Variants in LRRC63 observed in about 807,000 individuals in gnomAD.
LRRC63 encodes leucine rich repeat containing 63, also known as leucine-rich repeat-containing protein 63.
In LRRC63, 40 loss-of-function variants were observed where a neutral mutation model predicts 49.5. The ratio of observed to expected loss-of-function variants is 0.81; its 90% CI spans 0.63 to 1.05. LRRC63 has a LOEUF of 1.05. LRRC63 is among the 50% of genes least tolerant of loss of function. LRRC63 has a pLI of 0.00. For synonymous variants in LRRC63, 191 were observed against 221.1 expected (o/e 0.86, Z 1.21); for missense variants, 636 against 663.1 (o/e 0.96, Z 0.45).
intron 7 of LRRC63, among the ~76,000 whole-genome samples, chr13:46,259,352 A>G (rs575874579): frequency 6.6e-6 from 1 of 152,316 alleles, no homozygotes; most frequent in African/African-American, 2.4e-5. Flanking sequence ...TTTTAGACTC[A>G]TGCCCTGAGG....
At chr13:46,250,787 C>T (rs2047358326) in intron 7 of LRRC63, among the ~76,000 whole-genome samples, 1 of 151,912 alleles carries the variant, frequency 6.6e-6, no homozygotes. Context: ...TATCTCTTGA[C>T]AGCCTTTTTG....
intron 7 of LRRC63, among the ~76,000 whole-genome samples, chr13:46,252,303 G>C (rs1393536169): frequency 6.6e-6 from 1 of 151,904 alleles, no homozygotes; most frequent in Non-Finnish European, 1.5e-5. Flanking sequence ...GGTGAGACTT[G>C]GAGATCAGTA....
chr13:46,266,010 C>T (rs1203795644), intron 8 of LRRC63, among the ~76,000 whole-genome samples: 1 of 152,160 alleles, frequency 6.6e-6, no homozygotes, highest in Non-Finnish European at 1.5e-5. Context: ...TCCAGAGGCC[C>T]TCAGCAGTTT....
At chr13:46,249,114 C>T (rs1476764108) in intron 6 of LRRC63, among the ~76,000 whole-genome samples, 1 of 151,502 alleles carries the variant, frequency 6.6e-6, no homozygotes, top group East Asian at 1.9e-4. Flanking sequence ...ACACAACATA[C>T]CAAAATTTCT....
exon 2 of LRRC63, chr13:46,213,099 A>C: frequency 6.5e-7 from 1 of 1,548,412 alleles, no homozygotes; most frequent in South Asian, 1.2e-5. Context: ...CTGTCTTTAC[A>C]TGAGAAAAAA....
chr13:46,225,409 G>C (rs1419742277), intron 2 of LRRC63, among the ~76,000 whole-genome samples: 2 of 152,242 alleles, frequency 1.3e-5, no homozygotes, highest in African/African-American at 4.8e-5. Flanking sequence ...AGTAGCAGAA[G>C]TGGGTGTGTG....
intron 5 of LRRC63, among the ~76,000 whole-genome samples, chr13:46,238,475 A>T (rs1254993972): frequency 6.6e-6 from 1 of 151,908 alleles, no homozygotes; most frequent in East Asian, 1.9e-4. Context: ...TTTATTAAAA[A>T]AAAAGAGGTT....
intron 4 of LRRC63, among the ~76,000 whole-genome samples, chr13:46,231,850 C>T (rs1026060646): frequency 3.0e-5 from 4 of 131,876 alleles, no homozygotes; most frequent in African/African-American, 5.8e-5. Context: ...GAGTCTCGCT[C>T]TGTCACCCAG....
At chr13:46,252,607 A>C (rs1422800428) in intron 7 of LRRC63, among the ~76,000 whole-genome samples, 2 of 152,082 alleles carry the variant, frequency 1.3e-5, no homozygotes, top group African/African-American at 4.8e-5. Context: ...TATGAGTTAC[A>C]TGTAACCCAT....
intron 9 of LRRC63, among the ~76,000 whole-genome samples, chr13:46,273,018 C>A (rs17316837): frequency 0.048 from 7,340 of 152,076 alleles, 201 homozygotes; most frequent in Admixed American, 0.069. Flanking sequence ...GTTTTTCTCT[C>A]TATATTTCCT....
rs141949041 is a variant in LRRC63, at chr13:46,260,098, A to G, written c.1227-1811A>G. On this transcript the variant is annotated intron_variant, in intron 7 of 9. Transcript: ENST00000595396. ...TCATATATAGATGACATAAATTTCA[A>G]CTCTAGAACCTATTCAGCTTCCTCA... 2.6e-5 allele frequency among the ~76,000 whole-genome samples: 4 copies of G among 152,230 alleles called. No homozygotes were observed. The East Asian group carries it at 7.7e-4, about 29-fold the overall frequency.
intron 2 of LRRC63, among the ~76,000 whole-genome samples, 182 bp downstream of exon 2, chr13:46,213,301 G>A (rs1345292800): frequency 6.6e-6 from 1 of 152,188 alleles, no homozygotes; most frequent in African/African-American, 2.4e-5. Flanking sequence ...GGTGGACTTA[G>A]TAGATTCAAG....
chr13:46,226,272 C>T (rs944881241), intron 2 of LRRC63, among the ~76,000 whole-genome samples: 7 of 152,180 alleles, frequency 4.6e-5, no homozygotes, highest in African/African-American at 1.7e-4. Flanking sequence ...GCATGAGCTA[C>T]TGTGCCTGGC....
intron 9 of LRRC63, among the ~76,000 whole-genome samples, chr13:46,273,802 C>T (rs952812759): frequency 2.0e-5 from 3 of 150,982 alleles, no homozygotes; most frequent in Non-Finnish European, 4.4e-5. Context: ...ATCCTAGCTA[C>T]TTGGGAGGCT....
At chr13:46,247,580 T>A (rs1047643779) in intron 6 of LRRC63, among the ~76,000 whole-genome samples, 4 of 152,270 alleles carry the variant, frequency 2.6e-5, no homozygotes, top group Admixed American at 6.5e-5. Context: ...CAGGTCTGTG[T>A]TATATAGCTA....
At chr13:46,274,824 C>T (rs1594104818) in intron 9 of LRRC63, among the ~76,000 whole-genome samples, 2 of 152,070 alleles carry the variant, frequency 1.3e-5, no homozygotes, top group East Asian at 1.9e-4. Context: ...GTATATCCAT[C>T]ACCTTATTTA....
At chr13:46,255,075 A>G (rs1594083940) in intron 7 of LRRC63, among the ~76,000 whole-genome samples, 1 of 152,222 alleles carries the variant, frequency 6.6e-6, no homozygotes, top group Non-Finnish European at 1.5e-5. Flanking sequence ...ATAGAACATT[A>G]TTCATCTTGA....
exon 2 of LRRC63, chr13:46,213,022 A>C: frequency 6.6e-7 from 1 of 1,521,350 alleles, no homozygotes; most frequent in Non-Finnish European, 8.9e-7. Context: ...AACAGCACTT[A>C]TTATTCATTA....
intron 5 of LRRC63, among the ~76,000 whole-genome samples, chr13:46,243,529 A>G (rs933842335): frequency 1.3e-5 from 2 of 152,232 alleles, no homozygotes; most frequent in East Asian, 1.9e-4. Flanking sequence ...CACTTTCTCT[A>G]TAAAGACACA....
Sources: gnomAD v4.1 joint callset for allele counts (sites outside exome capture counted in the v4.1 genomes callset) on GRCh38, gnomAD v4.1.1 for gene constraint, MANE v1.5 for transcripts, NCBI Gene and HGNC (gene_info 2026-07-23, HGNC 2026-07-21) for gene names.